Variants in DSCAM observed in about 807,000 individuals in gnomAD.
The protein encoded by DSCAM is cell adhesion molecule DSCAM.
A neutral mutation model predicts 217.7 loss-of-function variants in DSCAM; 47 were observed. The ratio of observed to expected loss-of-function variants is 0.22; its 90% CI spans 0.17 to 0.28. DSCAM has a LOEUF of 0.28. DSCAM is among the 10% of genes least tolerant of loss of function. The probability of loss-of-function intolerance (pLI) is 1.00; values close to 1 mark genes in which losing one functional copy is unlikely to be tolerated. For synonymous variants in DSCAM, 1,056 were observed against 1,015.3 expected (o/e 1.04, Z -0.76); for missense variants, 2,080 against 2,618.3 (o/e 0.79, Z 4.49).
At chr21:40,478,692 A>C (rs2145982110) in intron 3 of DSCAM, among the ~76,000 whole-genome samples, 1 of 152,298 alleles carries the variant, frequency 6.6e-6, no homozygotes, top group South Asian at 2.1e-4. Flanking sequence ...TACTACCACA[A>C]CTACAACTAA....
chr21:40,616,071 GTA>G (rs1420158823), intron 3 of DSCAM, among the ~76,000 whole-genome samples: 1 of 152,064 alleles, frequency 6.6e-6, no homozygotes, highest in East Asian at 1.9e-4. Flanking sequence ...ATTACCTTGT[GTA>G]TGAGTCAGCT....
Position 40,589,251 on chromosome 21 carries a change from TG to T in DSCAM, c.508+103558del, listed in dbSNP as rs371407373. ...ACAGTACAATTAATGTTTAACTCCA[TG>T]CTTTCTATCTAAACAAAATGAAATA... On this transcript the variant is annotated intron_variant, in intron 3 of 32. Coordinates refer to ENST00000400454, the MANE Select transcript of DSCAM (RefSeq NM_001389.5). Among the ~76,000 whole-genome samples the T allele has an allele frequency of 3.6e-3, 549 of 152,326 alleles. 3 individuals carry two copies. The highest frequency in any genetic ancestry group is 0.012 in the African/African-American group (504 of 41,574).
chr21:40,042,703 A>T, intron 31 of DSCAM, 30 bp from the exon 32 acceptor site: 1 of 1,563,184 alleles, frequency 6.4e-7, no homozygotes, highest in Non-Finnish European at 8.6e-7. Context: ...AACAAGACGG[A>T]CGACTCACCA....
At chr21:40,145,662 T>C (rs113241556) in intron 16 of DSCAM, among the ~76,000 whole-genome samples, 3,704 of 117,006 alleles carry the variant, frequency 0.032, 164 homozygotes, top group African/African-American at 0.085. Flanking sequence ...CTGGCCAACA[T>C]GGTGAAACCC....
At chr21:40,382,445 C>T (rs1405347736) in intron 3 of DSCAM, among the ~76,000 whole-genome samples, 1 of 152,206 alleles carries the variant, frequency 6.6e-6, no homozygotes, top group African/African-American at 2.4e-5. Context: ...AGGCCATAGG[C>T]TTGGTTGCAT....
chr21:40,148,490 G>A (rs1391189489), intron 16 of DSCAM, among the ~76,000 whole-genome samples: 1 of 152,086 alleles, frequency 6.6e-6, no homozygotes, highest in African/African-American at 2.4e-5. Flanking sequence ...ACTTAAAATA[G>A]GGAATGCTAT....
At chr21:40,334,089 G>T (rs192870412) in intron 8 of DSCAM, among the ~76,000 whole-genome samples, 4 of 152,174 alleles carry the variant, frequency 2.6e-5, no homozygotes, top group Admixed American at 2.6e-4. Context: ...CTGACTGGGG[G>T]CTGGGGAAGC....
intron 3 of DSCAM, among the ~76,000 whole-genome samples, chr21:40,675,907 T>G (rs145719139): frequency 4.1e-4 from 63 of 152,328 alleles, no homozygotes; most frequent in African/African-American, 1.4e-3. Context: ...TCCTTCTGCA[T>G]AACCATTTTA....
At chr21:40,286,781 GTGATCTGCAGTA>G (rs1171158210) in intron 10 of DSCAM, among the ~76,000 whole-genome samples, 2 of 141,318 alleles carry the variant, frequency 1.4e-5, no homozygotes, top group South Asian at 2.2e-4. Flanking sequence ...GATCTGAAGC[GTGATCTGCAGTA>G]TGATCTGCAG....
At chr21:40,105,280 T>G (rs11702531) in intron 20 of DSCAM, among the ~76,000 whole-genome samples, 3 of 152,164 alleles carry the variant, frequency 2.0e-5, no homozygotes, top group Non-Finnish European at 4.4e-5. Flanking sequence ...AACTGAAATA[T>G]AGCTTCAACA....
chr21:40,422,148 C>T (rs1162629682), intron 3 of DSCAM, among the ~76,000 whole-genome samples: 2 of 152,220 alleles, frequency 1.3e-5, no homozygotes, highest in Non-Finnish European at 2.9e-5. Context: ...CTAGTGAGCA[C>T]AGATAAGACT....
chr21:40,112,113 A>AT (rs1053643294), intron 20 of DSCAM, among the ~76,000 whole-genome samples: 1 of 148,728 alleles, frequency 6.7e-6, no homozygotes, highest in African/African-American at 2.4e-5. Flanking sequence ...CAGAATACAC[A>AT]TTTTTTTCAG....
intron 11 of DSCAM, among the ~76,000 whole-genome samples, chr21:40,272,221 T>A (rs890323990): frequency 6.6e-6 from 1 of 152,114 alleles, no homozygotes; most frequent in African/African-American, 2.4e-5. Context: ...CCAAATTTGA[T>A]TGCAAGCAGA....
chr21:40,825,434 C>T (rs373373194), intron 1 of DSCAM, among the ~76,000 whole-genome samples: 4 of 152,206 alleles, frequency 2.6e-5, no homozygotes, highest in East Asian at 1.9e-4. Context: ...TCTCCTGCCT[C>T]AGCTTCCCGA....
At chr21:40,135,501 G>A (rs1272047039) in intron 18 of DSCAM, among the ~76,000 whole-genome samples, 2 of 152,224 alleles carry the variant, frequency 1.3e-5, no homozygotes, top group Admixed American at 6.5e-5. Context: ...CACAGGCCGC[G>A]GATCTCAGCT....
At chr21:40,324,103 CAAAAAA>C (rs71330393) in intron 8 of DSCAM, among the ~76,000 whole-genome samples, 1 of 27,938 alleles carries the variant, frequency 3.6e-5, no homozygotes, top group Non-Finnish European at 6.0e-5. Flanking sequence ...AACTCTGTCT[CAAAAAA>C]AAAAAAAAAA....
In DSCAM at chr21:40,347,657, G is replaced by A. The variant is rs1216101945; in HGVS notation, c.1210+13C>T. On this transcript the variant is annotated intron_variant, in intron 6 of 32. Transcript: ENST00000400454. ...TTCTTTTTCAGCCATACCCTGAAACGAGGCCCACTGACCTTCAAGGACCAC... is the reference window on the plus strand; with the variant it reads ...TTCTTTTTCAGCCATACCCTGAAACAAGGCCCACTGACCTTCAAGGACCAC... The A allele has an allele frequency of 5.6e-6, 9 of 1,612,748 alleles. No individual in the cohort carries two copies. Among genetic ancestry groups the A allele is most frequent in the Admixed American group, 5.0e-5 (3 of 59,980 alleles).
At chr21:40,019,028 T>C (rs758375287) in intron 32 of DSCAM, among the ~76,000 whole-genome samples, 3 of 152,220 alleles carry the variant, frequency 2.0e-5, no homozygotes, top group Non-Finnish European at 4.4e-5. Context: ...CAATAATTAA[T>C]GCACTTACAG....
chr21:40,256,604 T>C (rs1569026618), intron 11 of DSCAM, among the ~76,000 whole-genome samples: 1 of 148,354 alleles, frequency 6.7e-6, no homozygotes, highest in Non-Finnish European at 1.5e-5. Context: ...AGGCAGCATC[T>C]CCTCTTTCTT....
Sources: gnomAD v4.1 joint callset for allele counts (sites outside exome capture counted in the v4.1 genomes callset) on GRCh38, gnomAD v4.1.1 for gene constraint, MANE v1.5 for transcripts, NCBI Gene and HGNC (gene_info 2026-07-23, HGNC 2026-07-21) for gene names.